TMEM268: variants seen among roughly 807,000 people sequenced by gnomAD.
The protein encoded by TMEM268 is transmembrane protein 268.
In TMEM268, 24 loss-of-function variants were observed where a neutral mutation model predicts 39.1. The observed-to-expected ratio is 0.61, with a 90% CI of 0.44 to 0.86. The LOEUF is 0.86. Among genes scored for constraint, TMEM268 ranks in the 40% least tolerant of loss-of-function variants. The pLI is 0.00. For synonymous variants in TMEM268, 176 were observed against 173.5 expected, an observed-to-expected ratio of 1.01 and a Z score of -0.12; for missense variants, 409 against 428.6, an observed-to-expected ratio of 0.95 and a Z score of 0.40.
At chr9:114,642,682 T>C (rs1038877598) in intron 8 of TMEM268, among the ~76,000 whole-genome samples, 33 of 152,192 alleles carry the variant, frequency 2.2e-4, no homozygotes, top group Non-Finnish European at 1.5e-5. Context: ...AGTCTCGCTC[T>C]GTTGCCCAGG....
At chr9:114,637,171 T>C in intron 7 of TMEM268, 101 bp downstream of exon 7, 1 of 740,298 alleles carries the variant, frequency 1.4e-6, no homozygotes, top group Non-Finnish European at 2.3e-6. Flanking sequence ...AAAAGTTACT[T>C]GGAAGAATAC....
intron 2 of TMEM268, chr9:114,624,101 A>C: frequency 1.9e-6 from 1 of 514,234 alleles, no homozygotes; most frequent in Non-Finnish European, 2.8e-6. Context: ...CTCTTGGAAA[A>C]TTCTTCCTTA....
intron 5 of TMEM268, among the ~76,000 whole-genome samples, chr9:114,631,501 T>C (rs926505426): frequency 6.6e-5 from 10 of 152,320 alleles, no homozygotes; most frequent in African/African-American, 1.9e-4. Context: ...TCTACATGGA[T>C]TAACTCATTT....
chr9:114,643,377 A>G lies in TMEM268; in HGVS notation c.*64A>G, dbSNP rs1399705296. 2.0e-6 allele frequency: 3 copies of G among 1,493,960 alleles called. No individual in the cohort carries two copies. Among genetic ancestry groups the G allele is most frequent in the African/African-American group, 1.4e-5 (1 of 72,208 alleles). 92.5% of individuals were successfully genotyped at this position (1,493,960 alleles called of 1,614,324 possible). On this transcript the variant is annotated 3_prime_UTR_variant, in exon 9 of 9. Transcript: ENST00000288502. ...CAGTCAGGAAGGCTTCAGGAGCCCA[A>G]GATGGCCAATGGGGAGCCCCAGGTG...
At chr9:114,637,155 C>A in intron 7 of TMEM268, 85 bp downstream of exon 7, 1 of 912,546 alleles carries the variant, frequency 1.1e-6, no homozygotes, top group Non-Finnish European at 1.7e-6. Flanking sequence ...GGGAAAATGT[C>A]TGAGAAAAAG....
chr9:114,629,677 G>A (rs1158983494), intron 5 of TMEM268, among the ~76,000 whole-genome samples: 3 of 152,158 alleles, frequency 2.0e-5, no homozygotes, highest in African/African-American at 4.8e-5. Flanking sequence ...CCACCTACTT[G>A]GGAAGCTCTT....
At chr9:114,603,999 T>C in the TMEM268 span, among the ~76,000 whole-genome samples, 1 of 151,478 alleles carries the variant, frequency 6.6e-6, no homozygotes, top group African/African-American at 2.4e-5. Context: ...TACATTTATA[T>C]TGACTAATTT....
Position 114,645,478 on chromosome 9 carries a change from A to C in TMEM268, c.*2165A>C, listed in dbSNP as rs1194405999. 6.6e-6 allele frequency: 1 copy of C among 152,346 alleles called. No homozygotes were observed. The highest frequency in any genetic ancestry group is 2.4e-5 in the African/African-American group (1 of 41,452). 9.4% of individuals were successfully genotyped at this position (152,346 alleles called of 1,614,324 possible). ...CAGAGAAGAGAGATCATGGGTATAG[A>C]CCAGCCCCTGGAAAGGCTGCTTTGG... On this transcript the variant is annotated 3_prime_UTR_variant, in exon 9 of 9. Coordinates refer to ENST00000288502, the MANE Select transcript of TMEM268 (RefSeq NM_153045.4).
intron 1 of TMEM268, among the ~76,000 whole-genome samples, chr9:114,611,938 C>T (rs902031104): frequency 6.6e-6 from 1 of 152,250 alleles, no homozygotes; most frequent in African/African-American, 2.4e-5. Context: ...ACAGCTCCAG[C>T]TGGCGTGAAG....
At chr9:114,610,403 C>T (rs940205900), upstream of TMEM268, among the ~76,000 whole-genome samples, 1 of 152,126 alleles carries the variant, frequency 6.6e-6, no homozygotes, top group African/African-American at 2.4e-5. Flanking sequence ...AATATAGGGA[C>T]GTTTATGTGC....
chr9:114,629,793 A>C (rs1846313279), intron 5 of TMEM268, among the ~76,000 whole-genome samples: 1 of 152,198 alleles, frequency 6.6e-6, no homozygotes, highest in Non-Finnish European at 1.5e-5. Context: ...TTGGGGTGTG[A>C]ATTCCACTTA....
chr9:114,617,316 T>C lies in TMEM268; in HGVS notation c.106+15T>C. On this transcript the variant is annotated intron_variant, in intron 2 of 8. Transcript: ENST00000288502. ...CTGGGGGCAAGGTAAGATCATGACC[T>C]TTCATTTTCCACCTTCTTTCTACCT... is the stretch of plus-strand genomic sequence containing the variant. 6.3e-7 allele frequency: 1 copy of C among 1,589,048 alleles called. No homozygotes were observed. Among genetic ancestry groups the C allele is most frequent in the Non-Finnish European group, 8.6e-7 (1 of 1,158,832 alleles).
At chr9:114,618,275 T>G (rs1845814907) in intron 2 of TMEM268, among the ~76,000 whole-genome samples, 1 of 152,250 alleles carries the variant, frequency 6.6e-6, no homozygotes. Context: ...TCATATTCTT[T>G]GCTGTGCTGT....
intron 6 of TMEM268, among the ~76,000 whole-genome samples, chr9:114,635,363 AAAAAC>A (rs1043655814): frequency 1.1e-4 from 16 of 150,570 alleles, no homozygotes; most frequent in African/African-American, 3.4e-4. Flanking sequence ...AAAAAAAAAT[AAAAAC>A]AAAACAAAAC....
chr9:114,625,665 A>G (rs925289386), intron 3 of TMEM268, among the ~76,000 whole-genome samples: 7 of 150,858 alleles, frequency 4.6e-5, no homozygotes, highest in South Asian at 2.1e-4. Context: ...CTGGTCTCGA[A>G]CTCCTGACTT....
At chr9:114,624,560 G>A in intron 3 of TMEM268, 101 bp downstream of exon 3, 1 of 1,483,046 alleles carries the variant, frequency 6.7e-7, no homozygotes, top group Non-Finnish European at 9.0e-7. Flanking sequence ...GAAACAGTCT[G>A]TACCAGCTGT....
chr9:114,642,333 C>G (rs988850618), intron 8 of TMEM268, among the ~76,000 whole-genome samples: 3 of 150,638 alleles, frequency 2.0e-5, no homozygotes, highest in Non-Finnish European at 4.4e-5. Flanking sequence ...TAAGCAATCT[C>G]TTTTTTCCCT....
In TMEM268 at chr9:114,626,946, G is replaced by A. The variant is rs1396082854; in HGVS notation, c.264G>A (p.Glu88=). The change falls in exon 4 of 9, where the codon GAG becomes GAA. Residue 88 remains glutamate, a synonymous_variant. Coordinates refer to ENST00000288502, the MANE Select transcript of TMEM268 (RefSeq NM_153045.4). The part of the protein sequence containing the change: ...YRSLAESALL[E]PQVRRYIIYN... Reference sequence around the variant, plus strand: ...GCTTGGCTGAGAGTGCCCTCTTGGAGCCCCAAGTGAGAAGATATATCATCT... The same window carrying A: ...GCTTGGCTGAGAGTGCCCTCTTGGAACCCCAAGTGAGAAGATATATCATCT... 1 of 1,613,770 alleles carries A rather than the reference G, an allele frequency of 6.2e-7. No individual in the cohort carries two copies. The highest frequency in any genetic ancestry group is 8.5e-7 in the Non-Finnish European group (1 of 1,179,702).
upstream of TMEM268, among the ~76,000 whole-genome samples, chr9:114,610,111 C>G (rs1296013300): frequency 6.6e-6 from 1 of 151,776 alleles, no homozygotes; most frequent in African/African-American, 2.4e-5. Flanking sequence ...GCAATCTCGG[C>G]TCACCGCAAC....
Sources: allele counts gnomAD v4.1 joint callset (sites outside exome capture counted in the v4.1 genomes callset), GRCh38; gene constraint gnomAD v4.1.1; transcripts MANE v1.5; gene names NCBI Gene and HGNC (gene_info 2026-07-23, HGNC 2026-07-21).